CNTN6: variants seen among roughly 807,000 people sequenced by gnomAD.
CNTN6 encodes the protein contactin-6.
Under a neutral mutation model 122.8 loss-of-function variants are expected in CNTN6, and 137 were observed. The observed-to-expected ratio is 1.12, with a 90% CI of 0.97 to 1.29. CNTN6 has a LOEUF of 1.29. CNTN6 is among the 50% of genes most tolerant of loss of function. The pLI, the probability that CNTN6 is intolerant of heterozygous loss-of-function variation, is 0.00. For synonymous variants in CNTN6, 570 were observed against 426.0 expected, an observed-to-expected ratio of 1.34 and a Z score of -4.16; for missense variants, 1,634 against 1,223.4, an observed-to-expected ratio of 1.34 and a Z score of -5.01.
intron 1 of CNTN6, among the ~76,000 whole-genome samples, chr3:1,136,719 A>C (rs985279834): frequency 1.3e-5 from 2 of 152,142 alleles, no homozygotes; most frequent in Non-Finnish European, 2.9e-5. Flanking sequence ...AAAATCTCCC[A>C]GAGTAAGCTT....
At chr3:1,275,313 C>A (rs1319885745) in intron 4 of CNTN6, among the ~76,000 whole-genome samples, 1 of 152,194 alleles carries the variant, frequency 6.6e-6, no homozygotes, top group Non-Finnish European at 1.5e-5. Context: ...ATGTCCTTAT[C>A]TGCTATCTAC....
At chr3:1,402,778 A>G (rs1353506881) in intron 22 of CNTN6, 2 of 262,274 alleles carry the variant, frequency 7.6e-6, no homozygotes, top group Non-Finnish European at 1.4e-5. Flanking sequence ...AAAAATCAGA[A>G]AGATTTTTCA....
At chr3:1,328,924 A>T (rs2125995746) in intron 10 of CNTN6, among the ~76,000 whole-genome samples, 1 of 151,748 alleles carries the variant, frequency 6.6e-6, no homozygotes, top group South Asian at 2.1e-4. Flanking sequence ...TTTAGTGGGG[A>T]AAAAACCGAC....
In CNTN6 at chr3:1,298,875, G is replaced by A. The variant is rs575317142; in HGVS notation, c.761+884G>A. Among the ~76,000 whole-genome samples the A allele has an allele frequency of 2.0e-5, 3 of 152,162 alleles. No individual in the cohort carries two copies. The South Asian group carries it at 6.2e-4, about 32-fold the overall frequency. ...ACTTGACTGACTCAGAGGTAAGCTC[G>A]GAGGGCTTACCTCTAAATCCAAAGT... is the stretch of plus-strand genomic sequence containing the variant. On this transcript the variant is annotated intron_variant, in intron 7 of 22. Coordinates refer to ENST00000446702, the MANE Select transcript of CNTN6 (RefSeq NM_001289080.2).
chr3:1,158,168 T>G (rs74856714), intron 2 of CNTN6, among the ~76,000 whole-genome samples: 1,741 of 152,304 alleles, frequency 0.011, 28 homozygotes, highest in African/African-American at 0.04. Context: ...GATGGTTCCC[T>G]TTACTTCACA....
rs570383232 is a variant in CNTN6, at chr3:1,108,708, G to T, written c.-83+15588G>T. Among the ~76,000 whole-genome samples, 35 of 152,090 alleles carry T rather than the reference G, an allele frequency of 2.3e-4. No individual in the cohort carries two copies. The South Asian group carries it at 7.3e-3, about 32-fold the overall frequency. Reference sequence around the variant, plus strand: ...GATTTGTATTTGCACTTTTAATTTTGTAAATAAATAACTGATTTTAGACTT... The same window carrying T: ...GATTTGTATTTGCACTTTTAATTTTTTAAATAAATAACTGATTTTAGACTT... On this transcript the variant is annotated intron_variant, in intron 1 of 22. Transcript: ENST00000446702.
At chr3:1,093,703 C>G (rs1470720907) in intron 1 of CNTN6, among the ~76,000 whole-genome samples, 4 of 152,150 alleles carry the variant, frequency 2.6e-5, no homozygotes, top group African/African-American at 7.2e-5. Context: ...TACCCAGCTT[C>G]TAGATAACAG....
rs772523905 is a variant in CNTN6 at position 1,227,851 on chromosome 3, T to A, written c.216T>A (p.Thr72=). Residue 72 remains threonine (T), a synonymous_variant, in exon 4 of 23, where the codon ACT becomes ACA. Transcript: ENST00000446702. ...AAAATGGCACAGACATTGATTTTAC[T>A]ATGAGTTATCACTACAGGTTGGATG... ...WKQNGTDIDF[T]MSYHYRLDGG... The A allele has an allele frequency of 7.4e-6, 12 of 1,614,062 alleles. No homozygotes were observed. In the South Asian group the frequency reaches 1.1e-4, roughly 15 times the overall value.
chr3:1,263,434 G>A (rs1258970682), intron 4 of CNTN6, among the ~76,000 whole-genome samples: 1 of 152,138 alleles, frequency 6.6e-6, no homozygotes, highest in East Asian at 1.9e-4. Context: ...AGTTGGTTGT[G>A]CAGACTAATG....
intron 1 of CNTN6, among the ~76,000 whole-genome samples, chr3:1,108,520 T>A (rs1311428709): frequency 6.6e-6 from 1 of 152,036 alleles, no homozygotes; most frequent in Admixed American, 6.6e-5. Flanking sequence ...AAATTGTAGA[T>A]CTTGAAGCGT....
At chr3:1,288,033 C>T (rs1333900968) in intron 5 of CNTN6, among the ~76,000 whole-genome samples, 2 of 152,178 alleles carry the variant, frequency 1.3e-5, no homozygotes, top group Non-Finnish European at 2.9e-5. Flanking sequence ...TGTGAGAAGC[C>T]AGTAACTCAT....
intron 2 of CNTN6, among the ~76,000 whole-genome samples, chr3:1,160,342 CTG>C (rs1333757147): frequency 1.1e-4 from 3 of 26,576 alleles, no homozygotes; most frequent in African/African-American, 3.1e-4. Flanking sequence ...TTTACTTTTA[CTG>C]TATATATATA....
chr3:1,235,660 G>T (rs963327515), intron 4 of CNTN6, among the ~76,000 whole-genome samples: 2 of 152,104 alleles, frequency 1.3e-5, no homozygotes, highest in African/African-American at 4.8e-5. Context: ...ATCATACTTT[G>T]CCCCAGAAAC....
intron 1 of CNTN6, among the ~76,000 whole-genome samples, chr3:1,137,759 T>C (rs1046365406): frequency 9.2e-5 from 14 of 152,180 alleles, no homozygotes; most frequent in African/African-American, 3.4e-4. Context: ...TCTTCTAAAG[T>C]CACAAAGCTA....
intron 1 of CNTN6, among the ~76,000 whole-genome samples, chr3:1,134,173 T>C (rs2125111258): frequency 6.6e-6 from 1 of 152,240 alleles, no homozygotes; most frequent in African/African-American, 2.4e-5. Flanking sequence ...CTTGAAGTAG[T>C]GTTATATTAC....
intron 1 of CNTN6, among the ~76,000 whole-genome samples, chr3:1,132,180 C>A (rs2092353441): frequency 6.6e-6 from 1 of 152,140 alleles, no homozygotes; most frequent in African/African-American, 2.4e-5. Context: ...GTTTCTTTTA[C>A]TCTAAAAACT....
At chr3:1,146,990 C>T (rs921017245) in intron 1 of CNTN6, among the ~76,000 whole-genome samples, 11 of 151,804 alleles carry the variant, frequency 7.2e-5, no homozygotes, top group Non-Finnish European at 1.2e-4. Flanking sequence ...TTTATTTAAA[C>T]GTTAAGTATA....
intron 12 of CNTN6, among the ~76,000 whole-genome samples, chr3:1,353,177 G>C (rs536896565): frequency 6.6e-6 from 1 of 151,662 alleles, no homozygotes; most frequent in Non-Finnish European, 1.5e-5. Context: ...ACTGGAAGCT[G>C]TATCACTTCT....
intron 11 of CNTN6, among the ~76,000 whole-genome samples, chr3:1,340,257 T>G (rs1366005366): frequency 6.6e-6 from 1 of 152,178 alleles, no homozygotes; most frequent in African/African-American, 2.4e-5. Context: ...TCCTTCATAA[T>G]ATACACATTT....
Sources: allele counts gnomAD v4.1 joint callset (sites outside exome capture counted in the v4.1 genomes callset), GRCh38; gene constraint gnomAD v4.1.1; transcripts MANE v1.5; gene names NCBI Gene and HGNC (gene_info 2026-07-23, HGNC 2026-07-21).